KIAA0825: variants seen among roughly 807,000 people sequenced by gnomAD.
The protein encoded by KIAA0825 is uncharacterized protein KIAA0825.
Under a neutral mutation model 147.6 loss-of-function variants are expected in KIAA0825, and 119 were observed. That is an observed-to-expected ratio of 0.81 (90% CI 0.69 to 0.94). The LOEUF (loss-of-function observed/expected upper bound fraction) is 0.94, where lower values mean the gene tolerates loss of function less well. Among genes scored for constraint, KIAA0825 ranks in the 40% least tolerant of loss-of-function variants. The pLI is 0.00. For missense variants in KIAA0825, 1,381 were observed against 1,472.7 expected (o/e 0.94, Z 1.02); for synonymous variants, 470 against 518.1 (o/e 0.91, Z 1.26).
chr5:94,481,139 A>G (rs75027310), intron 6 of KIAA0825, among the ~76,000 whole-genome samples: 3,476 of 152,236 alleles, frequency 0.023, 61 homozygotes, highest in East Asian at 0.068. Context: ...TGTAAAATAT[A>G]GTTATTTGCA....
intron 20 of KIAA0825, among the ~76,000 whole-genome samples, chr5:94,332,537 C>T (rs1288653373): frequency 2.6e-5 from 4 of 152,076 alleles, no homozygotes. Context: ...TATCCATGTC[C>T]CTGCAAAGAC....
chr5:94,475,511 A>G (rs1161773581), intron 7 of KIAA0825, among the ~76,000 whole-genome samples: 1 of 152,176 alleles, frequency 6.6e-6, no homozygotes, highest in Admixed American at 6.5e-5. Flanking sequence ...AGCTGCTCTT[A>G]AAAAGAAAAC....
intron 5 of KIAA0825, among the ~76,000 whole-genome samples, chr5:94,496,223 T>A (rs573307185): frequency 9.6e-4 from 146 of 152,076 alleles, no homozygotes; most frequent in African/African-American, 3.3e-3. Context: ...GAGAAAAAAA[T>A]CAAAAGGAGA....
chr5:94,157,633 C>G (rs1194819043), intron 20 of KIAA0825, among the ~76,000 whole-genome samples: 1 of 152,166 alleles, frequency 6.6e-6, no homozygotes, highest in Non-Finnish European at 1.5e-5. Context: ...TTAATATTAG[C>G]ACATATTATA....
chr5:94,361,791 T>C (rs1238152409), intron 20 of KIAA0825, among the ~76,000 whole-genome samples: 1 of 152,192 alleles, frequency 6.6e-6, no homozygotes, highest in Non-Finnish European at 1.5e-5. Flanking sequence ...GGTCTATAAA[T>C]TTAATTTGAG....
intron 20 of KIAA0825, among the ~76,000 whole-genome samples, chr5:94,222,818 C>T (rs1773786027): frequency 6.6e-6 from 1 of 152,016 alleles, no homozygotes; most frequent in Non-Finnish European, 1.5e-5. Flanking sequence ...TGGTAAAAAT[C>T]ATATATATTA....
At chr5:94,374,962 T>C (rs574234245) in intron 20 of KIAA0825, among the ~76,000 whole-genome samples, 13 of 152,176 alleles carry the variant, frequency 8.5e-5, no homozygotes, top group African/African-American at 2.9e-4. Context: ...ACCTTAAGAA[T>C]ATCTGGATCA....
chr5:94,535,151 C>T (rs1049008964), intron 3 of KIAA0825, among the ~76,000 whole-genome samples: 1 of 151,776 alleles, frequency 6.6e-6, no homozygotes, highest in Non-Finnish European at 1.5e-5. Context: ...TTAATTTTCC[C>T]TGTTGAAAAT....
chr5:94,513,305 A>G (rs1766768930), intron 5 of KIAA0825, among the ~76,000 whole-genome samples: 3 of 152,178 alleles, frequency 2.0e-5, no homozygotes, highest in Non-Finnish European at 4.4e-5. Context: ...AATGGCTAAG[A>G]TGGTATATAA....
chr5:94,428,069 C>A (rs941578904), intron 14 of KIAA0825, among the ~76,000 whole-genome samples: 1 of 151,922 alleles, frequency 6.6e-6, no homozygotes, highest in Admixed American at 6.6e-5. Context: ...CTTTCTCCAA[C>A]ACTTTACTTT....
intron 20 of KIAA0825, among the ~76,000 whole-genome samples, chr5:94,195,827 A>G (rs1771081067): frequency 6.6e-6 from 1 of 152,168 alleles, no homozygotes; most frequent in East Asian, 1.9e-4. Context: ...TTTCTTCTTT[A>G]ACAGGATATG....
At chr5:94,174,982 T>C (rs1251118993) in intron 20 of KIAA0825, among the ~76,000 whole-genome samples, 2 of 152,194 alleles carry the variant, frequency 1.3e-5, no homozygotes, top group East Asian at 3.8e-4. Flanking sequence ...ATGGTATTTA[T>C]CTTGATAGGC....
chr5:94,592,412 C>T (rs1326332908), intron 1 of KIAA0825, among the ~76,000 whole-genome samples: 2 of 152,046 alleles, frequency 1.3e-5, no homozygotes, highest in African/African-American at 4.8e-5. Context: ...ATGCTGCTCT[C>T]GCTGGGCATT....
chr5:94,566,674 T>C (rs187100250), intron 2 of KIAA0825, among the ~76,000 whole-genome samples: 2 of 152,244 alleles, frequency 1.3e-5, no homozygotes, highest in East Asian at 3.9e-4. Flanking sequence ...TTTCATTTTA[T>C]AGTTAGCAAA....
intron 7 of KIAA0825, among the ~76,000 whole-genome samples, chr5:94,476,907 A>G (rs974535794): frequency 2.0e-5 from 3 of 152,018 alleles, no homozygotes; most frequent in Non-Finnish European, 4.4e-5. Context: ...TATTCCTCCC[A>G]TGGAATAGAT....
intron 2 of KIAA0825, among the ~76,000 whole-genome samples, chr5:94,571,882 A>G (rs1780030080): frequency 6.6e-6 from 1 of 152,240 alleles, no homozygotes; most frequent in Non-Finnish European, 1.5e-5. Flanking sequence ...CCAGTAATAA[A>G]ATAAATAAGT....
At chr5:94,418,539 C>T (rs1406313347) in intron 14 of KIAA0825, among the ~76,000 whole-genome samples, 1 of 150,282 alleles carries the variant, frequency 6.7e-6, no homozygotes, top group Admixed American at 6.7e-5. Context: ...GGAGTGGGCA[C>T]ATAACCAAGG....
chr5:94,519,020 T>A (rs1470198625), intron 5 of KIAA0825, among the ~76,000 whole-genome samples: 1 of 152,100 alleles, frequency 6.6e-6, no homozygotes, highest in East Asian at 1.9e-4. Context: ...TTAAAATTTA[T>A]GTGTTAACAA....
intron 5 of KIAA0825, among the ~76,000 whole-genome samples, chr5:94,502,211 C>A (rs772154158): frequency 5.3e-5 from 8 of 152,044 alleles, no homozygotes; most frequent in Non-Finnish European, 1.0e-4. Flanking sequence ...TACATACATA[C>A]ACACATGAAT....
Sources: gnomAD v4.1 joint callset for allele counts (sites outside exome capture counted in the v4.1 genomes callset) on GRCh38, gnomAD v4.1.1 for gene constraint, MANE v1.5 for transcripts, NCBI Gene and HGNC (gene_info 2026-07-23, HGNC 2026-07-21) for gene names.